The following CCDC102B variants were observed in gnomAD, a reference collection of about 807,000 sequenced individuals.
CCDC102B encodes coiled-coil domain-containing protein 102B.
A neutral mutation model predicts 57.4 loss-of-function variants in CCDC102B; 75 were observed. The ratio of observed to expected loss-of-function variants is 1.31; its 90% CI spans 1.08 to 1.58. The LOEUF (loss-of-function observed/expected upper bound fraction) is 1.58, where lower values mean the gene tolerates loss of function less well. CCDC102B is among the 40% of genes most tolerant of loss of function. The pLI is 0.00. For missense variants in CCDC102B, 636 were observed against 582.6 expected (o/e 1.09, Z -0.94); for synonymous variants, 206 against 201.9 (o/e 1.02, Z -0.17).
chr18:68,870,309 G>A (rs2039189540), intron 4 of CCDC102B, among the ~76,000 whole-genome samples: 1 of 152,126 alleles, frequency 6.6e-6, no homozygotes, highest in Non-Finnish European at 1.5e-5. Flanking sequence ...GTATACCTAT[G>A]TAACAAACCT....
chr18:68,899,284 T>C (rs2040353527), intron 6 of CCDC102B, among the ~76,000 whole-genome samples: 1 of 152,042 alleles, frequency 6.6e-6, no homozygotes, highest in Non-Finnish European at 1.5e-5. Context: ...GTCAAATGAA[T>C]CAGAGCTGTG....
chr18:69,040,868 C>T (rs1239130344), intron 7 of CCDC102B, among the ~76,000 whole-genome samples: 1 of 151,908 alleles, frequency 6.6e-6, no homozygotes, highest in African/African-American at 2.4e-5. Flanking sequence ...CCTCTCTTAC[C>T]ATTTTGAATC....
intron 6 of CCDC102B, among the ~76,000 whole-genome samples, chr18:68,968,646 G>T (rs1216775480): frequency 1.3e-5 from 2 of 152,026 alleles, no homozygotes; most frequent in Non-Finnish European, 2.9e-5. Flanking sequence ...CACATCTCTG[G>T]AACTGATTCA....
At chr18:68,944,746 TA>T (rs1416707670) in intron 6 of CCDC102B, among the ~76,000 whole-genome samples, 1 of 152,020 alleles carries the variant, frequency 6.6e-6, no homozygotes, top group African/African-American at 2.4e-5. Context: ...ACTAGAACAC[TA>T]ACGAGGTTAG....
intron 7 of CCDC102B, among the ~76,000 whole-genome samples, chr18:69,013,065 C>A (rs919921925): frequency 2.0e-5 from 3 of 152,028 alleles, no homozygotes; most frequent in Non-Finnish European, 4.4e-5. Flanking sequence ...AAGATACCTG[C>A]CCCTGTATGT....
Position 68,784,834 on chromosome 18 carries a change from C to CT in CCDC102B, c.-66-38521dup, listed in dbSNP as rs77451889. Among the ~76,000 whole-genome samples, 435 of 147,946 alleles carry CT rather than the reference C, an allele frequency of 2.9e-3. 2 individuals are homozygous for CT. Among genetic ancestry groups the CT allele is most frequent in the African/African-American group, 9.6e-3 (388 of 40,330 alleles). On this transcript the variant is annotated intron_variant, in intron 2 of 3. Transcript: ENST00000578970. ...GCTATCAGCATTACTGTTTTGGTAA[C>CT]TTTTTTTTTTTATTAAAGTTTTAGT...
chr18:68,763,928 G>A lies in CCDC102B; in HGVS notation c.-67+47334G>A, dbSNP rs541644495. ...AATTACCCTTTGTTGAATGCCATGT[G>A]CCTAAACAATGCATTAGAACCTTGA... On this transcript the variant is annotated intron_variant, in intron 2 of 3. Coordinates refer to the CCDC102B transcript ENST00000578970. Among the ~76,000 whole-genome samples the A allele has an allele frequency of 3.7e-4, 56 of 152,032 alleles. 1 individual carries two copies. Among genetic ancestry groups the A allele is most frequent in the African/African-American group, 1.1e-3 (45 of 41,484 alleles).
At chr18:68,789,439 T>C (rs1014167969) in intron 2 of CCDC102B, among the ~76,000 whole-genome samples, 13 of 152,152 alleles carry the variant, frequency 8.5e-5, no homozygotes, top group African/African-American at 2.2e-4. Flanking sequence ...CAACTTGGTT[T>C]CATTCTCCCC....
At chr18:68,897,522 G>T (rs1048863282) in intron 6 of CCDC102B, 94 bp downstream of exon 6, 1 of 1,549,886 alleles carries the variant, frequency 6.5e-7, no homozygotes, top group Non-Finnish European at 8.8e-7. Context: ...TCCACATTTG[G>T]ATATTTCCTT....
intron 2 of CCDC102B, among the ~76,000 whole-genome samples, chr18:68,782,199 A>G (rs2035027344): frequency 1.3e-5 from 2 of 152,096 alleles, no homozygotes; most frequent in African/African-American, 4.8e-5. Flanking sequence ...TTTGGATTAA[A>G]TTATGTATTT....
At chr18:68,889,608 G>T (rs1403615853) in intron 5 of CCDC102B, among the ~76,000 whole-genome samples, 1 of 151,904 alleles carries the variant, frequency 6.6e-6, no homozygotes, top group African/African-American at 2.4e-5. Flanking sequence ...TTGTTTGTTT[G>T]TTTGTTTTTT....
intron 3 of CCDC102B, among the ~76,000 whole-genome samples, chr18:68,841,987 C>T (rs113999940): frequency 0.016 from 2,409 of 152,214 alleles, 63 homozygotes; most frequent in African/African-American, 0.055. Context: ...GATCTAACCG[C>T]CTTGGCTTCC....
intron 6 of CCDC102B, among the ~76,000 whole-genome samples, chr18:68,911,525 G>A (rs1791658692): frequency 6.6e-6 from 1 of 150,480 alleles, no homozygotes; most frequent in Non-Finnish European, 1.5e-5. Context: ...GGCCGAGGCG[G>A]GCGGATCACG....
At chr18:68,937,137 A>G (rs1300166575) in intron 6 of CCDC102B, among the ~76,000 whole-genome samples, 1 of 152,044 alleles carries the variant, frequency 6.6e-6, no homozygotes, top group Admixed American at 6.6e-5. Flanking sequence ...CAACAACACT[A>G]TAACTCATAG....
At chr18:68,751,272 T>A (rs903701853) in intron 2 of CCDC102B, among the ~76,000 whole-genome samples, 2 of 152,186 alleles carry the variant, frequency 1.3e-5, no homozygotes, top group Admixed American at 6.5e-5. Context: ...TTTCATTAAT[T>A]AATCAATATG....
At chr18:68,825,699 T>TAATA (rs916523244) in intron 1 of CCDC102B, among the ~76,000 whole-genome samples, 9 of 151,944 alleles carry the variant, frequency 5.9e-5, no homozygotes, top group Admixed American at 1.3e-4. Context: ...ATAATAATGA[T>TAATA]AATAAATAAA....
At chr18:68,768,366 A>C (rs529032447) in intron 2 of CCDC102B, among the ~76,000 whole-genome samples, 2 of 152,332 alleles carry the variant, frequency 1.3e-5, no homozygotes, top group South Asian at 4.1e-4. Flanking sequence ...TCTAATTTTC[A>C]GATCAGAAGA....
chr18:68,996,443 C>T (rs1015163083), intron 6 of CCDC102B, among the ~76,000 whole-genome samples: 4 of 152,104 alleles, frequency 2.6e-5, no homozygotes, highest in East Asian at 1.9e-4. Flanking sequence ...GGTTGACAGA[C>T]GGCCTATTGG....
chr18:68,760,751 A>G (rs1320259690), intron 2 of CCDC102B, among the ~76,000 whole-genome samples: 1 of 152,116 alleles, frequency 6.6e-6, no homozygotes, highest in Non-Finnish European at 1.5e-5. Flanking sequence ...TTAGGTCTGA[A>G]ATATGAATAG....
Sources: allele counts gnomAD v4.1 joint callset (sites outside exome capture counted in the v4.1 genomes callset), GRCh38; gene constraint gnomAD v4.1.1; transcripts MANE v1.5; gene names NCBI Gene and HGNC (gene_info 2026-07-23, HGNC 2026-07-21).